ZNF469: variants seen among roughly 807,000 people sequenced by gnomAD.
ZNF469 encodes the protein zinc finger protein 469.
In ZNF469, 1 loss-of-function variant was observed where a neutral mutation model predicts 1.0. The ratio of observed to expected loss-of-function variants is 1.00; its 90% CI spans 0.35 to 4.73. The LOEUF is 4.73. Ranked by LOEUF, ZNF469 falls within the 30% of genes most tolerant of loss-of-function variation. The probability of loss-of-function intolerance (pLI) is 0.16; values close to 1 mark genes in which losing one functional copy is unlikely to be tolerated. For missense variants in ZNF469, 6,100 were observed against 5,356.3 expected, an observed-to-expected ratio of 1.14 and a Z score of -4.33; for synonymous variants, 2,703 against 2,363.4, an observed-to-expected ratio of 1.14 and a Z score of -4.17.
chr16:88,144,356 C>T, the ZNF469 span, among the ~76,000 whole-genome samples: 6 of 152,192 alleles, frequency 3.9e-5, no homozygotes, highest in Non-Finnish European at 7.3e-5. Context: ...CAGGACTCTG[C>T]CTGGCGTCAA....
chr16:88,259,479 C>T, the ZNF469 span, among the ~76,000 whole-genome samples: 27 of 152,326 alleles, frequency 1.8e-4, no homozygotes, highest in Non-Finnish European at 3.4e-4. The surrounding 1 kb of genome is among the most constrained non-coding windows in gnomAD (Gnocchi z 4.1). Context: ...TGCTTCTCCT[C>T]CGCTGCAGAA....
chr16:88,162,147 A>T, the ZNF469 span, among the ~76,000 whole-genome samples: 2 of 152,188 alleles, frequency 1.3e-5, no homozygotes, highest in African/African-American at 4.8e-5. Context: ...TGGAAACATG[A>T]GAGTTGAGAA....
chr16:88,186,506 C>T, the ZNF469 span, among the ~76,000 whole-genome samples: 3 of 152,186 alleles, frequency 2.0e-5, no homozygotes, highest in African/African-American at 7.2e-5. Flanking sequence ...AGGTCGCGTC[C>T]TCCCGAAGCC....
At chr16:88,405,994 T>A (rs962767628) in intron 1 of ZNF469, among the ~76,000 whole-genome samples, 10 of 152,198 alleles carry the variant, frequency 6.6e-5, no homozygotes, top group Non-Finnish European at 1.5e-4. Context: ...TTTTGGGGAC[T>A]TTGAAGGAAA....
chr16:88,430,509 G>A lies in ZNF469; in HGVS notation c.3039G>A (p.Pro1013=), dbSNP rs867725010. 1.4e-6 allele frequency: 2 copies of A among 1,424,460 alleles called. No individual in the cohort carries two copies. The highest frequency in any genetic ancestry group is 5.8e-5 in the East Asian group (2 of 34,774). The allele number at this position is 1,424,460 out of a possible 1,614,324, so 88.2% of individuals were successfully genotyped here. The change falls in exon 3 of 3, where the codon CCG becomes CCA. Residue 1013 remains proline (P), a synonymous_variant. Transcript: ENST00000565624. ...GCGCAGACCCCGCGCCCCGGGTCCC[G>A]AGAGCCGCCGCCCTCCCCGAGGAGA... The part of the protein sequence containing the change: ...GSRADPAPRV[P]RAAALPEETR...
the ZNF469 span, among the ~76,000 whole-genome samples, chr16:88,209,022 G>C: frequency 2.6e-5 from 4 of 152,098 alleles, no homozygotes; most frequent in Non-Finnish European, 5.9e-5. Flanking sequence ...AACCACATCT[G>C]TTCACCCCAC....
At position 88,437,009 on chromosome 16, in the gene ZNF469, G is replaced by T; in HGVS notation, c.9539G>T (p.Cys3180Phe). ...SKAGPWACGM[C>F]LKEVADVWMY... Reference sequence around the variant, plus strand: ...GCCGGGCCCTGGGCGTGCGGCATGTGCCTGAAGGAGGTGGCCGACGTCTGG... The same window carrying T: ...GCCGGGCCCTGGGCGTGCGGCATGTTCCTGAAGGAGGTGGCCGACGTCTGG... Residue 3180 changes from cysteine (C) to phenylalanine (F), a missense_variant, in exon 3 of 3, where the codon TGC becomes TTC. Transcript: ENST00000565624. 6.6e-7 allele frequency: 1 copy of T among 1,525,968 alleles called. No individual in the cohort carries two copies. The highest frequency in any genetic ancestry group is 8.8e-7 in the Non-Finnish European group (1 of 1,139,068). 94.5% of individuals were successfully genotyped at this position (1,525,968 alleles called of 1,614,324 possible). A position where few individuals can be genotyped will look rare whatever the true frequency, so the allele number is the denominator to read the frequency against.
the ZNF469 span, among the ~76,000 whole-genome samples, chr16:88,136,790 G>A: frequency 0.064 from 9,681 of 152,254 alleles, 578 homozygotes; most frequent in East Asian, 0.2. Context: ...TGTACCGAGC[G>A]TGCCCAGTAC....
chr16:88,430,632 C>G lies in ZNF469; in HGVS notation c.3162C>G (p.Ile1054Met). Residue 1054 changes from isoleucine (I) to methionine (M), a missense_variant, in exon 3 of 3, where the codon ATC (isoleucine) becomes ATG (methionine). Physicochemically the swap from Ile to Met is conservative, Grantham distance 10. Coordinates refer to ENST00000565624, the MANE Select transcript of ZNF469 (RefSeq NM_001367624.2). ...GAWGKELILK[I>M]VQQKNRRHRR... ...GGGGCAAGGAGCTCATTCTGAAGAT[C>G]GTGCAGCAGAAGAACAGGCGCCACC... 1 of 1,499,044 alleles carries G rather than the reference C, an allele frequency of 6.7e-7. No homozygotes were observed. The highest frequency in any genetic ancestry group is 8.9e-7 in the Non-Finnish European group (1 of 1,129,658). 92.9% of individuals were successfully genotyped at this position (1,499,044 alleles called of 1,614,324 possible).
chr16:88,135,778 T>TTTTTTGGGTG, the ZNF469 span, among the ~76,000 whole-genome samples: 1 of 124,704 alleles, frequency 8.0e-6, no homozygotes. Context: ...TTTTTTTTTT[T>TTTTTTGGGTG]GGGATGGAGT....
At chr16:88,126,663 G>C in the ZNF469 span, among the ~76,000 whole-genome samples, 2 of 145,046 alleles carry the variant, frequency 1.4e-5, no homozygotes, top group African/African-American at 2.5e-5. Context: ...TTTGTTTTTT[G>C]TTTTTTTTGA....
At chr16:88,297,020 C>T in the ZNF469 span, among the ~76,000 whole-genome samples, 1 of 152,224 alleles carries the variant, frequency 6.6e-6, no homozygotes, top group Non-Finnish European at 1.5e-5. Context: ...AGTGGGTCCT[C>T]GTCTCCCAAA....
the ZNF469 span, among the ~76,000 whole-genome samples, chr16:88,226,563 C>A: frequency 2.0e-5 from 3 of 152,134 alleles, no homozygotes; most frequent in Admixed American, 2.0e-4. Flanking sequence ...CTTTGCAGCA[C>A]CCTAGTCTGT....
the ZNF469 span, among the ~76,000 whole-genome samples, chr16:88,336,863 C>T: frequency 3.9e-5 from 6 of 152,212 alleles, no homozygotes; most frequent in African/African-American, 1.4e-4. Flanking sequence ...AAGTTCACCA[C>T]CTGCCGTTCC....
chr16:88,357,082 T>A, the ZNF469 span, among the ~76,000 whole-genome samples: 1 of 152,210 alleles, frequency 6.6e-6, no homozygotes, highest in Non-Finnish European at 1.5e-5. Flanking sequence ...TCCCCAGTTG[T>A]ACCCTCTGAC....
At chr16:88,356,907 C>T in the ZNF469 span, among the ~76,000 whole-genome samples, 1 of 152,256 alleles carries the variant, frequency 6.6e-6, no homozygotes, top group East Asian at 1.9e-4. Context: ...GTTAGCTGTG[C>T]AGGGTTAGGC....
At chr16:88,351,158 A>G in the ZNF469 span, among the ~76,000 whole-genome samples, 1 of 152,144 alleles carries the variant, frequency 6.6e-6, no homozygotes, top group Non-Finnish European at 1.5e-5. Context: ...GGTGACAGGC[A>G]GTGTGGCCTG....
chr16:88,302,057 G>A, the ZNF469 span, among the ~76,000 whole-genome samples: 2 of 152,228 alleles, frequency 1.3e-5, no homozygotes, highest in Non-Finnish European at 2.9e-5. Flanking sequence ...CTCACGGGCA[G>A]TTCGTTGCCA....
chr16:88,438,275 C>G lies in ZNF469; in HGVS notation c.10805C>G (p.Pro3602Arg). ...GCTCTCCCTCTGGGGGCATCTCTGC[C>G]GCGGCCGGGAGCCAGAGGCCAAGAT... ...QQALPLGASL[P>R]RPGARGQDAE... Residue 3602 changes from proline to arginine, a missense_variant, in exon 3 of 3, where the codon CCG (proline) becomes CGG (arginine). Transcript: ENST00000565624. 1 of 1,548,224 alleles carries G rather than the reference C, an allele frequency of 6.5e-7. No homozygotes were observed. Among genetic ancestry groups the G allele is most frequent in the Non-Finnish European group, 8.7e-7 (1 of 1,145,490 alleles).
Sources: gnomAD v4.1 joint callset for allele counts (sites outside exome capture counted in the v4.1 genomes callset) on GRCh38, gnomAD v4.1.1 for gene constraint, Gnocchi (gnomAD v3.1) non-coding constraint, MANE v1.5 for transcripts, NCBI Gene and HGNC (gene_info 2026-07-23, HGNC 2026-07-21) for gene names.